UBE2H: variants seen among roughly 807,000 people sequenced by gnomAD.
UBE2H encodes the protein ubiquitin-conjugating enzyme E2 H.
Under a neutral mutation model 29.0 loss-of-function variants are expected in UBE2H, and 3 were observed. The ratio of observed to expected loss-of-function variants is 0.10; its 90% CI spans 0.05 to 0.27. UBE2H has a LOEUF of 0.27. UBE2H is among the 10% of genes least tolerant of loss of function. The pLI is 1.00. For synonymous variants in UBE2H, 69 were observed against 82.9 expected, an observed-to-expected ratio of 0.83 and a Z score of 0.91; for missense variants, 68 against 228.2, an observed-to-expected ratio of 0.30 and a Z score of 4.52.
At chr7:129,877,902 A>G (rs1038461848) in intron 3 of UBE2H, among the ~76,000 whole-genome samples, 2 of 152,322 alleles carry the variant, frequency 1.3e-5, no homozygotes, top group African/African-American at 4.8e-5. Flanking sequence ...AACAAGCTCT[A>G]TTGTTTCCTT....
chr7:129,951,648 G>A (rs897181980), intron 1 of UBE2H, among the ~76,000 whole-genome samples: 6 of 152,144 alleles, frequency 3.9e-5, no homozygotes, highest in Admixed American at 1.3e-4. Flanking sequence ...GTTGGGGGGA[G>A]GGGGCAGAAA....
At chr7:129,932,893 C>T (rs766323165) in intron 1 of UBE2H, among the ~76,000 whole-genome samples, 5 of 151,650 alleles carry the variant, frequency 3.3e-5, no homozygotes, top group African/African-American at 1.2e-4. Flanking sequence ...TCTGACCTCA[C>T]ATTCCCCTTG....
At chr7:129,875,001 T>C (rs924436795) in intron 3 of UBE2H, among the ~76,000 whole-genome samples, 1 of 152,210 alleles carries the variant, frequency 6.6e-6, no homozygotes, top group Non-Finnish European at 1.5e-5. Flanking sequence ...AGGCAGGTCC[T>C]GAGCAAGCTA....
In UBE2H at chr7:129,952,666, C is replaced by G. The variant is rs952350780; in HGVS notation, c.-111G>C. The G allele has an allele frequency of 1.7e-5, 22 of 1,315,902 alleles. No individual in the cohort carries two copies. The highest frequency in any genetic ancestry group is 2.1e-5 in the Non-Finnish European group (21 of 991,094). The allele number at this position is 1,315,902 out of a possible 1,614,324, so 81.5% of individuals were successfully genotyped here. On this transcript the variant is annotated 5_prime_UTR_variant, in exon 1 of 7. Transcript: ENST00000355621. ...CTCCTCGGTGGAGGTGGCAACACCCCCGCGGTCCCGGCGGTCCCGTCAGCC... is the reference window on the plus strand; with the variant it reads ...CTCCTCGGTGGAGGTGGCAACACCCGCGCGGTCCCGGCGGTCCCGTCAGCC...
At chr7:129,892,708 G>C (rs1236057135) in intron 1 of UBE2H, among the ~76,000 whole-genome samples, 1 of 152,148 alleles carries the variant, frequency 6.6e-6, no homozygotes, top group Non-Finnish European at 1.5e-5. Flanking sequence ...CTTGCATTGA[G>C]AGGTTCTTTT....
intron 1 of UBE2H, among the ~76,000 whole-genome samples, chr7:129,951,997 T>C (rs1343701887): frequency 1.3e-5 from 2 of 152,072 alleles, no homozygotes; most frequent in Non-Finnish European, 2.9e-5. Context: ...CTTCCTAATA[T>C]AGAAAGGAAT....
intron 3 of UBE2H, among the ~76,000 whole-genome samples, chr7:129,870,252 C>T (rs907713185): frequency 2.0e-5 from 3 of 152,156 alleles, no homozygotes; most frequent in African/African-American, 7.2e-5. Flanking sequence ...TCCAGCATCA[C>T]CAAGCTCTCC....
intron 1 of UBE2H, among the ~76,000 whole-genome samples, chr7:129,897,953 TATCAA>T (rs377079051): frequency 0.15 from 22,125 of 152,210 alleles, 1,676 homozygotes; most frequent in Admixed American, 0.2. Flanking sequence ...TTATTATCTT[TATCAA>T]CATTTAGGAT....
chr7:129,928,604 AAAAT>A (rs751288562), intron 1 of UBE2H, among the ~76,000 whole-genome samples: 3 of 152,240 alleles, frequency 2.0e-5, no homozygotes, highest in South Asian at 2.1e-4. Flanking sequence ...CTCCGTCTCA[AAAAT>A]AAATAAATAA....
chr7:129,862,358 C>T (rs886261810), intron 3 of UBE2H, among the ~76,000 whole-genome samples: 1 of 152,152 alleles, frequency 6.6e-6, no homozygotes, highest in African/African-American at 2.4e-5. Context: ...AGATGAGAAG[C>T]ACTGGGAAGT....
At chr7:129,903,224 T>C (rs1806752041) in intron 1 of UBE2H, among the ~76,000 whole-genome samples, 2 of 152,266 alleles carry the variant, frequency 1.3e-5, no homozygotes, top group African/African-American at 4.8e-5. Context: ...CAGCTGTGCT[T>C]ATCCTTGAAC....
Position 129,952,560 on chromosome 7 carries a change from T to C in UBE2H, c.-5A>G. 6.2e-7 allele frequency: 1 copy of C among 1,610,800 alleles called. No individual in the cohort carries two copies. Among genetic ancestry groups the C allele is most frequent in the Non-Finnish European group, 8.5e-7 (1 of 1,178,522 alleles). Reference sequence around the variant, plus strand: ...GCCCGGACTGGGAGATGACATGGTGTCGCCGCCGCCTCTCTCCCTTCCTCG... The same window carrying C: ...GCCCGGACTGGGAGATGACATGGTGCCGCCGCCGCCTCTCTCCCTTCCTCG... On this transcript the variant is annotated 5_prime_UTR_variant, in exon 1 of 7. Transcript: ENST00000355621.
chr7:129,939,683 G>C (rs973734094), intron 1 of UBE2H, among the ~76,000 whole-genome samples: 3 of 152,084 alleles, frequency 2.0e-5, no homozygotes, highest in African/African-American at 4.8e-5. Context: ...ATCCAGGCTG[G>C]GCACGGTGGC....
chr7:129,894,861 A>C (rs1423001153), intron 1 of UBE2H, among the ~76,000 whole-genome samples: 1 of 151,742 alleles, frequency 6.6e-6, no homozygotes, highest in African/African-American at 2.4e-5. Flanking sequence ...ATTGACACTC[A>C]CTGTCAAATA....
chr7:129,836,920 G>C (rs535762214), intron 6 of UBE2H, among the ~76,000 whole-genome samples: 1 of 110,836 alleles, frequency 9.0e-6, no homozygotes, highest in African/African-American at 3.0e-5. Flanking sequence ...AAGGAGTAAG[G>C]GCAAAGATGT....
intron 3 of UBE2H, among the ~76,000 whole-genome samples, chr7:129,872,789 G>A (rs2116352217): frequency 7.4e-6 from 1 of 134,470 alleles, no homozygotes; most frequent in East Asian, 2.4e-4. Context: ...GTTGCAGTTA[G>A]CTGCAATGGT....
At chr7:129,883,390 C>T (rs1023788523) in intron 1 of UBE2H, among the ~76,000 whole-genome samples, 1 of 152,118 alleles carries the variant, frequency 6.6e-6, no homozygotes, top group African/African-American at 2.4e-5. Flanking sequence ...GAGATACGCC[C>T]AATACATATG....
chr7:129,917,191 T>TCAAA (rs755608105), intron 1 of UBE2H, among the ~76,000 whole-genome samples: 2 of 152,192 alleles, frequency 1.3e-5, no homozygotes, highest in African/African-American at 2.4e-5. Context: ...AGACTCCGTC[T>TCAAA]CAAACAAACA....
chr7:129,940,132 T>C (rs1383822826), intron 1 of UBE2H, among the ~76,000 whole-genome samples: 1 of 152,194 alleles, frequency 6.6e-6, no homozygotes. Context: ...TTTCTATTTA[T>C]ATTACCTCAA....
Sources: allele counts gnomAD v4.1 joint callset (sites outside exome capture counted in the v4.1 genomes callset), GRCh38; gene constraint gnomAD v4.1.1; transcripts MANE v1.5; gene names NCBI Gene and HGNC (gene_info 2026-07-23, HGNC 2026-07-21).